The following ELMO2 variants were observed in gnomAD, a reference collection of about 807,000 sequenced individuals.
ELMO2 encodes the protein engulfment and cell motility protein 2.
In ELMO2, 37 loss-of-function variants were observed where a neutral mutation model predicts 96.2. That is an observed-to-expected ratio of 0.38 (90% confidence interval 0.30 to 0.51). The LOEUF is 0.51. Ranked by LOEUF, ELMO2 falls within the 20% of genes least tolerant of loss-of-function variation. The pLI, the probability that ELMO2 is intolerant of heterozygous loss-of-function variation, is 0.88. For missense variants in ELMO2, 561 were observed against 912.6 expected, an observed-to-expected ratio of 0.61 and a Z score of 4.96; for synonymous variants, 315 against 329.4, an observed-to-expected ratio of 0.96 and a Z score of 0.47.
At position 46,367,139 on chromosome 20, in the gene ELMO2, T is replaced by C; in HGVS notation, c.*221A>G. The C allele has an allele frequency of 2.4e-6, 1 of 421,222 alleles. No individual in the cohort carries two copies. Among genetic ancestry groups the C allele is most frequent in the Middle Eastern group, 6.0e-4 (1 of 1,670 alleles). 26.1% of individuals were successfully genotyped at this position (421,222 alleles called of 1,614,324 possible). ...CGTGGCCCAATCCCAGGCTTCATGG[T>C]GATGGAGTGGGCAGAGCACCCTGCC... On this transcript the variant is annotated 3_prime_UTR_variant, in exon 22 of 22. Coordinates refer to ENST00000290246, the MANE Select transcript of ELMO2 (RefSeq NM_133171.5).
intron 7 of ELMO2, among the ~76,000 whole-genome samples, chr20:46,388,670 A>G (rs1273472253): frequency 6.6e-6 from 1 of 152,038 alleles, no homozygotes; most frequent in African/African-American, 2.4e-5. Flanking sequence ...TTACAAACAG[A>G]CACCTGGGAG....
chr20:46,395,208 C>A (rs1469145086), intron 2 of ELMO2, among the ~76,000 whole-genome samples: 1 of 152,132 alleles, frequency 6.6e-6, no homozygotes, highest in Non-Finnish European at 1.5e-5. Flanking sequence ...CTTATAAGGA[C>A]AAGGCTTTGC....
intron 4 of ELMO2, 119 bp downstream of exon 4, chr20:46,393,930 A>G: frequency 7.5e-7 from 1 of 1,332,098 alleles, no homozygotes; most frequent in African/African-American, 1.5e-5. Context: ...ATGATTCCCA[A>G]GACCCCCATG....
chr20:46,395,781 T>A (rs1041891739), intron 2 of ELMO2, among the ~76,000 whole-genome samples: 8 of 152,216 alleles, frequency 5.3e-5, no homozygotes, highest in Admixed American at 5.2e-4. Context: ...AAGCCAGCAT[T>A]TCCAGAACAT....
intron 16 of ELMO2, 65 bp downstream of exon 16, chr20:46,373,334 G>A: frequency 6.3e-7 from 1 of 1,590,580 alleles, no homozygotes; most frequent in Non-Finnish European, 8.6e-7. Context: ...GTGCCAGCCA[G>A]CTGTCAAAGG....
Position 46,366,570 on chromosome 20 carries a change from A to T in ELMO2, c.*790T>A, listed in dbSNP as rs543842299. On this transcript the variant is annotated 3_prime_UTR_variant, in exon 22 of 22. Coordinates refer to ENST00000290246, the MANE Select transcript of ELMO2 (RefSeq NM_133171.5). The stretch of plus-strand genomic sequence containing the variant: ...GGGGAGATTTCTCTCTGAGGAAGGA[A>T]AAGGTATTAATGTGGGGGAAGAGCA... 7 of 152,472 alleles carry T rather than the reference A, an allele frequency of 4.6e-5. No individual in the cohort carries two copies. Among genetic ancestry groups the T allele is most frequent in the African/African-American group, 1.7e-4 (7 of 41,588 alleles). The allele number at this position is 152,472 out of a possible 1,614,324, so 9.4% of individuals were successfully genotyped here.
intron 2 of ELMO2, among the ~76,000 whole-genome samples, chr20:46,398,050 A>G (rs2060276114): frequency 6.6e-6 from 1 of 152,220 alleles, no homozygotes. Context: ...ATTGCAACTA[A>G]TACGCCTAAG....
At position 46,375,161 on chromosome 20, in the gene ELMO2, G is replaced by A. The variant is rs965366730; in HGVS notation, c.1065+75C>T. On this transcript the variant is annotated intron_variant, in intron 13 of 21. Transcript: ENST00000290246. This position sits in a 1 kb window ranked among gnomAD's most constrained non-coding sequence, Gnocchi z 4.6. ...GGCCACCATGGGGTTGGTTGTCAGA[G>A]CTCTGTCTGGGTGGGACCATTGACT... 3.9e-6 allele frequency: 6 copies of A among 1,543,736 alleles called. No individual in the cohort carries two copies. Among genetic ancestry groups the A allele is most frequent in the Non-Finnish European group, 5.2e-6 (6 of 1,145,450 alleles).
chr20:46,383,302 G>A, intron 10 of ELMO2, 114 bp downstream of exon 10: 1 of 1,133,992 alleles, frequency 8.8e-7, no homozygotes, highest in Non-Finnish European at 1.3e-6. Context: ...CAGCTAAGAG[G>A]AAGAACTCTT....
At chr20:46,386,822 T>C (rs1427434225) in intron 8 of ELMO2, among the ~76,000 whole-genome samples, 1 of 152,210 alleles carries the variant, frequency 6.6e-6, no homozygotes, top group East Asian at 1.9e-4. Context: ...ATATTATTCA[T>C]TGGTTTTAGT....
At chr20:46,373,732 CCT>C (rs1444483659) in intron 15 of ELMO2, among the ~76,000 whole-genome samples, 197 bp from the exon 16 acceptor site, 3 of 152,108 alleles carry the variant, frequency 2.0e-5, no homozygotes, top group Admixed American at 2.0e-4. Flanking sequence ...TTCCCTCTAC[CCT>C]GTTACAGACT....
At chr20:46,370,403 T>C (rs754697216) in intron 20 of ELMO2, 40 bp downstream of exon 20, 11 of 1,581,740 alleles carry the variant, frequency 7.0e-6, no homozygotes, top group Admixed American at 1.7e-5. Flanking sequence ...ACTCTCCAAG[T>C]ATCACTGGGC....
intron 15 of ELMO2, among the ~76,000 whole-genome samples, chr20:46,374,096 T>C (rs1888305116): frequency 7.5e-6 from 1 of 134,018 alleles, no homozygotes; most frequent in African/African-American, 2.7e-5. Flanking sequence ...GGCTAATTTT[T>C]GGTTTTTTTT....
intron 2 of ELMO2, among the ~76,000 whole-genome samples, chr20:46,396,847 G>T (rs1262264369): frequency 6.6e-6 from 1 of 152,150 alleles, no homozygotes; most frequent in Non-Finnish European, 1.5e-5. Context: ...AAAGATGTGA[G>T]TGTAGAACTA....
chr20:46,396,116 C>A (rs79623816), intron 2 of ELMO2, among the ~76,000 whole-genome samples: 5 of 152,350 alleles, frequency 3.3e-5, no homozygotes, highest in African/African-American at 1.2e-4. Context: ...CAGCTCATGG[C>A]AGAATTTTTC....
At chr20:46,399,373 C>A (rs1259108311) in intron 1 of ELMO2, among the ~76,000 whole-genome samples, 2 of 152,192 alleles carry the variant, frequency 1.3e-5, no homozygotes, top group Non-Finnish European at 2.9e-5. Flanking sequence ...TTCTATAAGG[C>A]AGGCCATGTT....
chr20:46,393,946 G>T, intron 4 of ELMO2, 103 bp downstream of exon 4: 1 of 1,498,824 alleles, frequency 6.7e-7, no homozygotes. Context: ...CCATGCTGAG[G>T]ACCTGCCTAA....
chr20:46,394,587 T>C lies in ELMO2; in HGVS notation c.-50-55A>G, dbSNP rs1258642833. On this transcript the variant is annotated intron_variant, in intron 2 of 21. Coordinates refer to ENST00000290246, the MANE Select transcript of ELMO2 (RefSeq NM_133171.5). Reference sequence around the variant, plus strand: ...AAGAGTATTTCTTCATTTTTCACTCTTGTTACATGTTTTGAAGAGTTTGAA... The same window carrying C: ...AAGAGTATTTCTTCATTTTTCACTCCTGTTACATGTTTTGAAGAGTTTGAA... 8.3e-6 allele frequency: 11 copies of C among 1,325,698 alleles called. No individual in the cohort carries two copies. In the Admixed American group the frequency reaches 1.3e-4, roughly 16 times the overall value. 82.1% of individuals were successfully genotyped at this position (1,325,698 alleles called of 1,614,324 possible). A position where few individuals can be genotyped will look rare whatever the true frequency, so the allele number is the denominator to read the frequency against.
chr20:46,373,135 C>G (rs149613960), intron 16 of ELMO2: 68 of 452,632 alleles, frequency 1.5e-4, no homozygotes, highest in Non-Finnish European at 2.6e-4. Flanking sequence ...ATCCTCCTGA[C>G]CTCTCTGGAG....
Sources: allele counts gnomAD v4.1 joint callset (sites outside exome capture counted in the v4.1 genomes callset), GRCh38; gene constraint gnomAD v4.1.1; non-coding constraint Gnocchi (gnomAD v3.1); transcripts MANE v1.5; gene names NCBI Gene and HGNC (gene_info 2026-07-23, HGNC 2026-07-21).